SEC13: variants seen among roughly 807,000 people sequenced by gnomAD.
SEC13 encodes the protein protein SEC13 homolog.
Under a neutral mutation model 49.2 loss-of-function variants are expected in SEC13, and 25 were observed. The observed-to-expected ratio is 0.51, with a 90% CI of 0.37 to 0.71. The LOEUF (loss-of-function observed/expected upper bound fraction) is 0.71. SEC13 is among the 30% of genes least tolerant of loss of function. SEC13 has a pLI of 0.00. For synonymous variants in SEC13, 148 were observed against 163.9 expected, an observed-to-expected ratio of 0.90 and a Z score of 0.74; for missense variants, 383 against 417.6, an observed-to-expected ratio of 0.92 and a Z score of 0.72.
intron 1 of SEC13, chr3:10,319,385 C>G: frequency 1.6e-6 from 2 of 1,256,470 alleles, no homozygotes; most frequent in Non-Finnish European, 2.1e-6. Flanking sequence ...ACAAAGTGCA[C>G]AGGAAGGCGG....
chr3:10,312,472 A>G, intron 4 of SEC13, 107 bp downstream of exon 4: 1 of 1,362,786 alleles, frequency 7.3e-7, no homozygotes, highest in South Asian at 1.4e-5. Flanking sequence ...AGCTCAAGAG[A>G]CAGACAAGAG....
chr3:10,307,559 A>G (rs1700966884), intron 5 of SEC13, among the ~76,000 whole-genome samples: 1 of 152,180 alleles, frequency 6.6e-6, no homozygotes, highest in Non-Finnish European at 1.5e-5. Context: ...TCTCACATGG[A>G]TGGCAGCAAA....
chr3:10,320,510 T>C, intron 1 of SEC13: 7 of 985,586 alleles, frequency 7.1e-6, no homozygotes, highest in Non-Finnish European at 8.4e-6. Flanking sequence ...CCATCCTACC[T>C]GGGGGCCCTA....
In SEC13 at chr3:10,320,725, G is replaced by A. The variant is rs1396857647; in HGVS notation, c.3+325C>T. On this transcript the variant is annotated intron_variant, in intron 1 of 8. Transcript: ENST00000350697. ...AAGGCTGTTAGCAGGCGGAGATTAC[G>A]AACAATGCTGAGGGCTCGGTATACA... The A allele has an allele frequency of 3.3e-6, 4 of 1,200,018 alleles. No homozygotes were observed. The African/African-American group carries it at 4.7e-5, about 14-fold the overall frequency. The allele number at this position is 1,200,018 out of a possible 1,614,324, so 74.3% of individuals were successfully genotyped here.
intron 4 of SEC13, 51 bp downstream of exon 4, chr3:10,312,528 C>A: frequency 1.2e-6 from 2 of 1,600,188 alleles, no homozygotes; most frequent in South Asian, 2.2e-5. Context: ...GGACAGAGTC[C>A]TTTTTTACCC....
At chr3:10,307,053 A>AT (rs147066301) in intron 5 of SEC13, among the ~76,000 whole-genome samples, 37,447 of 150,378 alleles carry the variant, frequency 0.25, 5,530 homozygotes, top group East Asian at 0.52. Flanking sequence ...ATTATTAACA[A>AT]TTTTTTTTTT....
chr3:10,316,739 C>T (rs548225796), intron 2 of SEC13, among the ~76,000 whole-genome samples: 1 of 152,182 alleles, frequency 6.6e-6, no homozygotes, highest in Non-Finnish European at 1.5e-5. Context: ...TGAAAACTCA[C>T]GCCTGTAATC....
At position 10,315,428 on chromosome 3, in the gene SEC13, G is replaced by A. The variant is rs1337315981; in HGVS notation, c.57C>T (p.Ala19=). ...GGCGGGTGCCATAGTAGTCCATCTG[G>A]GCGTCGTGCTGCAAAGGGAGGACAG... ...DTSHEDMIHD[A]QMDYYGTRLA... The change falls in exon 3 of 9, where the codon GCC becomes GCT. Residue 19 remains alanine (A), a synonymous_variant. Coordinates refer to ENST00000350697, the MANE Select transcript of SEC13 (RefSeq NM_183352.3). The A allele has an allele frequency of 1.9e-6, 3 of 1,583,096 alleles. No individual in the cohort carries two copies. The highest frequency in any genetic ancestry group is 2.2e-5 in the South Asian group (2 of 90,576).
chr3:10,306,314 A>G (rs1003702007), intron 5 of SEC13, among the ~76,000 whole-genome samples: 15 of 152,136 alleles, frequency 9.9e-5, no homozygotes, highest in African/African-American at 1.9e-4. Flanking sequence ...ATGCAGTTCA[A>G]TATGTTCCTC....
chr3:10,313,109 A>C lies in SEC13; in HGVS notation c.165-379T>G. On this transcript the variant is annotated intron_variant, in intron 3 of 8. Coordinates refer to ENST00000350697, the MANE Select transcript of SEC13 (RefSeq NM_183352.3). Reference sequence around the variant, plus strand: ...GTGTTCAGGAAATATTTGTAGACTGAATTGCTATTCATCCTTCCCGACGGT... The same window carrying C: ...GTGTTCAGGAAATATTTGTAGACTGCATTGCTATTCATCCTTCCCGACGGT... The C allele has an allele frequency of 1.3e-5, 3 of 238,058 alleles. No homozygotes were observed. The South Asian group carries it at 1.9e-4, about 15-fold the overall frequency. 14.7% of individuals were successfully genotyped at this position (238,058 alleles called of 1,614,324 possible).
At chr3:10,301,776 G>C (rs933662903) in intron 8 of SEC13, among the ~76,000 whole-genome samples, 1 of 152,148 alleles carries the variant, frequency 6.6e-6, no homozygotes, top group African/African-American at 2.4e-5. Context: ...TCTGGGGGTG[G>C]GGCTGGCAAT....
intron 1 of SEC13, chr3:10,320,822 A>G: frequency 7.5e-7 from 1 of 1,326,518 alleles, no homozygotes; most frequent in Non-Finnish European, 9.6e-7. Flanking sequence ...CTGGCAGGAG[A>G]CGCAGGAGCG....
intron 4 of SEC13, among the ~76,000 whole-genome samples, 194 bp downstream of exon 4, chr3:10,312,385 T>G (rs901234621): frequency 1.3e-5 from 2 of 152,212 alleles, no homozygotes; most frequent in Admixed American, 6.5e-5. Flanking sequence ...CACCTGTCTT[T>G]TCTTATTTGC....
intron 2 of SEC13, 100 bp downstream of exon 2, chr3:10,317,950 A>G: frequency 1.3e-6 from 1 of 773,542 alleles, no homozygotes; most frequent in Non-Finnish European, 2.2e-6. Context: ...TGGATCCATG[A>G]ATGATCAACA....
intron 1 of SEC13, among the ~76,000 whole-genome samples, chr3:10,320,201 G>A (rs2059752130): frequency 6.6e-6 from 1 of 152,180 alleles, no homozygotes; most frequent in South Asian, 2.1e-4. Context: ...AAGAGCCAGA[G>A]GTGAGTGATT....
At chr3:10,305,841 A>G (rs1376850530) in intron 5 of SEC13, 149 bp from the exon 6 acceptor site, 5 of 739,354 alleles carry the variant, frequency 6.8e-6, no homozygotes. Context: ...TCCACTGCTC[A>G]GAATTCTCCC....
chr3:10,308,787 T>G (rs1055263517), intron 5 of SEC13, among the ~76,000 whole-genome samples: 1 of 123,028 alleles, frequency 8.1e-6, no homozygotes, highest in Admixed American at 1.0e-4. Context: ...TGATGCTGAG[T>G]TGAATTTTTT....
chr3:10,309,565 C>G (rs971535550), intron 5 of SEC13, among the ~76,000 whole-genome samples: 1 of 152,128 alleles, frequency 6.6e-6, no homozygotes, highest in Admixed American at 6.5e-5. Context: ...TGAGTTCTGT[C>G]ACCTTATTTC....
chr3:10,309,651 TAGC>T (rs1259352922), intron 5 of SEC13, among the ~76,000 whole-genome samples: 2 of 152,244 alleles, frequency 1.3e-5, no homozygotes, highest in Non-Finnish European at 2.9e-5. Flanking sequence ...TGATTTGAAA[TAGC>T]AGGTTACAGC....
Sources: gnomAD v4.1 joint callset for allele counts (sites outside exome capture counted in the v4.1 genomes callset) on GRCh38, gnomAD v4.1.1 for gene constraint, MANE v1.5 for transcripts, NCBI Gene and HGNC (gene_info 2026-07-23, HGNC 2026-07-21) for gene names.